CDH18: variants seen among roughly 807,000 people sequenced by gnomAD.
CDH18 encodes the protein cadherin 18, also known as cadherin-18.
CDH18 carries 31 observed loss-of-function variants against 67.9 expected under a neutral mutation model. The ratio of observed to expected loss-of-function variants is 0.46; its 90% CI spans 0.34 to 0.62. The LOEUF (loss-of-function observed/expected upper bound fraction) is 0.62, where lower values mean the gene tolerates loss of function less well. CDH18 is among the 20% of genes least tolerant of loss of function. CDH18 has a pLI of 0.01. For missense variants in CDH18, 890 were observed against 975.5 expected, an observed-to-expected ratio of 0.91 and a Z score of 1.17; for synonymous variants, 362 against 347.2, an observed-to-expected ratio of 1.04 and a Z score of -0.48.
At chr5:19,833,307 C>T (rs1447724690) in intron 3 of CDH18, among the ~76,000 whole-genome samples, 1 of 150,562 alleles carries the variant, frequency 6.6e-6, no homozygotes, top group African/African-American at 2.4e-5. Flanking sequence ...GGAGTTCATT[C>T]ATGGCTCTCT....
At chr5:20,078,260 G>A (rs1744123925) in intron 2 of CDH18, among the ~76,000 whole-genome samples, 1 of 152,018 alleles carries the variant, frequency 6.6e-6, no homozygotes, top group Admixed American at 6.6e-5. Flanking sequence ...TCAGGAGTTA[G>A]AGACCAGTTG....
At chr5:19,821,209 A>G (rs1020986341) in intron 3 of CDH18, among the ~76,000 whole-genome samples, 1 of 152,132 alleles carries the variant, frequency 6.6e-6, no homozygotes, top group Admixed American at 6.5e-5. Flanking sequence ...AGCCAGTACA[A>G]TGATCCTAGA....
intron 7 of CDH18, among the ~76,000 whole-genome samples, chr5:19,579,030 G>A (rs373113837): frequency 4.6e-5 from 7 of 151,894 alleles, no homozygotes; most frequent in East Asian, 3.9e-4. Flanking sequence ...TTCTATAGGC[G>A]CTTGAATTAA....
chr5:20,138,350 C>T (rs1295299792), intron 2 of CDH18, among the ~76,000 whole-genome samples: 1 of 152,206 alleles, frequency 6.6e-6, no homozygotes, highest in East Asian at 1.9e-4. Context: ...ATACCCACAG[C>T]CAATATCATA....
At chr5:20,235,636 C>T (rs887365919) in intron 2 of CDH18, among the ~76,000 whole-genome samples, 1 of 152,052 alleles carries the variant, frequency 6.6e-6, no homozygotes, top group African/African-American at 2.4e-5. Context: ...CAGATGTTGG[C>T]AAGGCTGTAG....
At position 19,664,783 on chromosome 5, in the gene CDH18, C is replaced by T. The variant is rs115723808; in HGVS notation, c.644-52182G>A. On this transcript the variant is annotated intron_variant, in intron 5 of 12. Coordinates refer to ENST00000382275, the MANE Select transcript of CDH18 (RefSeq NM_004934.5). The stretch of plus-strand genomic sequence containing the variant: ...TCAGTTGTTATTCAAAATACACTTA[C>T]GGGGTTGGTATCATGATCTCCATTT... Among the ~76,000 whole-genome samples, 144 of 151,968 alleles carry T rather than the reference C, an allele frequency of 9.5e-4. 1 individual carries two copies. Among genetic ancestry groups the T allele is most frequent in the African/African-American group, 3.3e-3 (138 of 41,522 alleles).
rs558036947 is a variant in CDH18 at position 19,920,631 on chromosome 5, A to ATCC, written c.-257+60426_-257+60428dup. 1.9e-3 allele frequency among the ~76,000 whole-genome samples: 276 copies of ATCC among 147,798 alleles called. 1 individual carries two copies. Among genetic ancestry groups the ATCC allele is most frequent in the African/African-American group, 6.5e-3 (260 of 39,872 alleles). ...TGGTTTCAAACGATTCTCCTGCCTC[A>ATCC]TCCTCCTGAGTAGCTGGGATTACAG... On this transcript the variant is annotated intron_variant, in intron 2 of 12. Coordinates refer to ENST00000382275, the MANE Select transcript of CDH18 (RefSeq NM_004934.5).
chr5:20,370,776 C>T (rs967849386), intron 1 of CDH18, among the ~76,000 whole-genome samples: 7 of 152,072 alleles, frequency 4.6e-5, no homozygotes, highest in African/African-American at 1.7e-4. Context: ...CAGTGGCTCG[C>T]GCCTGTAATC....
intron 2 of CDH18, among the ~76,000 whole-genome samples, chr5:20,174,952 G>A (rs191538539): frequency 1.6e-3 from 239 of 152,076 alleles, no homozygotes; most frequent in Non-Finnish European, 2.8e-3. Flanking sequence ...TTTATACACC[G>A]TGAAATACTA....
chr5:20,527,814 G>T (rs1197467200), intron 1 of CDH18, among the ~76,000 whole-genome samples: 1 of 151,952 alleles, frequency 6.6e-6, no homozygotes, highest in African/African-American at 2.4e-5. Flanking sequence ...ACACAGTGAA[G>T]TACACAGGCC....
intron 2 of CDH18, among the ~76,000 whole-genome samples, chr5:20,099,902 GC>G (rs1746309047): frequency 6.6e-6 from 1 of 152,016 alleles, no homozygotes; most frequent in South Asian, 2.1e-4. Flanking sequence ...TCATGCCTCT[GC>G]CTCCCAAGTA....
chr5:20,218,882 T>G (rs185127865), intron 2 of CDH18, among the ~76,000 whole-genome samples: 15 of 112,032 alleles, frequency 1.3e-4, no homozygotes, highest in Admixed American at 1.3e-3. Flanking sequence ...ACAGACGTAC[T>G]AAGAGGGGAG....
At chr5:20,388,311 G>C (rs1283342212) in intron 1 of CDH18, among the ~76,000 whole-genome samples, 1 of 152,064 alleles carries the variant, frequency 6.6e-6, no homozygotes, top group African/African-American at 2.4e-5. Flanking sequence ...TGTATGTGTT[G>C]AGGAATTTAT....
chr5:20,206,762 A>G (rs1739925192), intron 2 of CDH18, among the ~76,000 whole-genome samples: 1 of 152,048 alleles, frequency 6.6e-6, no homozygotes, highest in African/African-American at 2.4e-5. Flanking sequence ...TATGATATCA[A>G]TAGATGCTGA....
chr5:19,499,424 ATATAAT>A (rs1439293626), intron 11 of CDH18, among the ~76,000 whole-genome samples: 1 of 152,064 alleles, frequency 6.6e-6, no homozygotes, highest in African/African-American at 2.4e-5. Flanking sequence ...GTGTGCATAC[ATATAAT>A]TAAAATTAAA....
chr5:20,408,129 A>G (rs376192044), intron 1 of CDH18, among the ~76,000 whole-genome samples: 288 of 152,220 alleles, frequency 1.9e-3, no homozygotes, highest in African/African-American at 6.7e-3. Flanking sequence ...GAAAAAAACT[A>G]CCAGCCAAGA....
intron 2 of CDH18, among the ~76,000 whole-genome samples, chr5:19,865,671 C>T (rs1298951576): frequency 6.6e-6 from 1 of 152,086 alleles, no homozygotes; most frequent in Non-Finnish European, 1.5e-5. Flanking sequence ...TACTTCTTTG[C>T]CCCTTTCAGG....
At chr5:20,348,834 C>T (rs1473675371) in intron 1 of CDH18, among the ~76,000 whole-genome samples, 2 of 152,104 alleles carry the variant, frequency 1.3e-5, no homozygotes, top group African/African-American at 2.4e-5. Context: ...ATCCATTGTT[C>T]CTGGCCCTTC....
At chr5:19,627,623 C>T (rs1751748783) in intron 5 of CDH18, among the ~76,000 whole-genome samples, 1 of 152,044 alleles carries the variant, frequency 6.6e-6, no homozygotes, top group Non-Finnish European at 1.5e-5. Flanking sequence ...AAATTGTGTG[C>T]TACATATCTT....
Sources: allele counts gnomAD v4.1 joint callset (sites outside exome capture counted in the v4.1 genomes callset), GRCh38; gene constraint gnomAD v4.1.1; transcripts MANE v1.5; gene names NCBI Gene and HGNC (gene_info 2026-07-23, HGNC 2026-07-21).